Variants in SLC4A8 observed in about 807,000 individuals in gnomAD.
SLC4A8 encodes electroneutral sodium bicarbonate exchanger 1.
In SLC4A8, 40 loss-of-function variants were observed where a neutral mutation model predicts 125.0. The ratio of observed to expected loss-of-function variants is 0.32; its 90% CI spans 0.25 to 0.42. SLC4A8 has a LOEUF of 0.42. Among genes scored for constraint, SLC4A8 ranks in the 10% least tolerant of loss-of-function variants. The pLI, the probability that SLC4A8 is intolerant of heterozygous loss-of-function variation, is 1.00. For synonymous variants in SLC4A8, 456 were observed against 476.0 expected, an observed-to-expected ratio of 0.96 and a Z score of 0.55; for missense variants, 863 against 1,355.1, an observed-to-expected ratio of 0.64 and a Z score of 5.70.
At chr12:51,400,987 G>A (rs1948380438) in intron 1 of SLC4A8, among the ~76,000 whole-genome samples, 1 of 151,392 alleles carries the variant, frequency 6.6e-6, no homozygotes, top group South Asian at 2.1e-4. Flanking sequence ...CACAGGGAGT[G>A]CAACAAGGGG....
intron 22 of SLC4A8, among the ~76,000 whole-genome samples, chr12:51,503,554 G>C (rs1938030398): frequency 6.6e-6 from 1 of 152,102 alleles, no homozygotes; most frequent in Non-Finnish European, 1.5e-5. Flanking sequence ...GAAAGAAAAG[G>C]CTTCTTATTG....
intron 1 of SLC4A8, among the ~76,000 whole-genome samples, chr12:51,400,785 TACACACACACACAC>T (rs869278660): frequency 9.0e-5 from 1 of 11,162 alleles, no homozygotes; most frequent in African/African-American, 5.1e-4. Context: ...TATACATACA[TACACACACACACAC>T]ACATATATAA....
rs149659091 is a variant in SLC4A8, at chr12:51,404,921, G to T, written c.-112+13433G>T. Among the ~76,000 whole-genome samples the T allele has an allele frequency of 3.9e-3, 593 of 152,076 alleles. 2 individuals carry two copies. Among genetic ancestry groups the T allele is most frequent in the African/African-American group, 0.013 (547 of 41,440 alleles). The stretch of plus-strand genomic sequence containing the variant: ...GTGTTTTTGTCACTTTCAACCAAAA[G>T]AATCTGATCAATAAATAATATGATG... On this transcript the variant is annotated intron_variant, in intron 1 of 24. Transcript: ENST00000358657.
chr12:51,424,062 ACAAC>A (rs150878367), upstream of SLC4A8, among the ~76,000 whole-genome samples: 64 of 51,818 alleles, frequency 1.2e-3, 6 homozygotes, highest in East Asian at 5.3e-3. Context: ...AACAAAAAAA[ACAAC>A]AAAAAAAAAA....
chr12:51,441,256 G>T, intron 2 of SLC4A8: 1 of 960,618 alleles, frequency 1.0e-6, no homozygotes. Flanking sequence ...ATTTCTGCCT[G>T]GTGGTTTCAT....
At chr12:51,506,569 G>A (rs1471520036) in intron 24 of SLC4A8, among the ~76,000 whole-genome samples, 1 of 152,068 alleles carries the variant, frequency 6.6e-6, no homozygotes, top group Non-Finnish European at 1.5e-5. Context: ...CAAGTAGCTG[G>A]GAGTACAGGT....
At chr12:51,401,421 CCT>C (rs1191030946) in intron 1 of SLC4A8, among the ~76,000 whole-genome samples, 1 of 152,126 alleles carries the variant, frequency 6.6e-6, no homozygotes, top group East Asian at 1.9e-4. Flanking sequence ...GTGGTTTTCC[CCT>C]GAGTTGGGCC....
intron 2 of SLC4A8, chr12:51,441,184 G>A: frequency 1.0e-6 from 1 of 984,112 alleles, no homozygotes; most frequent in African/African-American, 1.7e-5. Flanking sequence ...AACTCATTTT[G>A]GCTACAAAAC....
At chr12:51,474,693 T>TG (rs2138326480) in intron 15 of SLC4A8, 1 of 627,998 alleles carries the variant, frequency 1.6e-6, no homozygotes, top group East Asian at 2.8e-5. Context: ...TAAGGATAGG[T>TG]GGGGATGAAA....
At chr12:51,484,461 G>A (rs1430953713) in intron 16 of SLC4A8, among the ~76,000 whole-genome samples, 1 of 152,226 alleles carries the variant, frequency 6.6e-6, no homozygotes, top group Non-Finnish European at 1.5e-5. Context: ...GGAGAAAAGG[G>A]CCACTGGGCC....
chr12:51,417,250 G>A (rs1186762813), intron 1 of SLC4A8, among the ~76,000 whole-genome samples: 5 of 152,142 alleles, frequency 3.3e-5, no homozygotes, highest in South Asian at 4.1e-4. Context: ...ATCACAGCTC[G>A]CTGCAGCCTC....
At chr12:51,460,503 A>G (rs1456985896) in intron 8 of SLC4A8, among the ~76,000 whole-genome samples, 2 of 152,270 alleles carry the variant, frequency 1.3e-5, no homozygotes, top group East Asian at 1.9e-4. Context: ...CACAGTATCT[A>G]TAGCCTTGGA....
At chr12:51,454,998 T>G (rs1592212025) in intron 5 of SLC4A8, among the ~76,000 whole-genome samples, 3 of 80,694 alleles carry the variant, frequency 3.7e-5, no homozygotes, top group African/African-American at 5.1e-5. Context: ...GATTAGGGAG[T>G]GGTGATGACT....
intron 2 of SLC4A8, among the ~76,000 whole-genome samples, chr12:51,447,691 T>C (rs1164165085): frequency 6.6e-6 from 1 of 151,554 alleles, no homozygotes; most frequent in East Asian, 1.9e-4. Context: ...ATGTTGATTC[T>C]CTGTGAGCAT....
At chr12:51,460,233 G>A (rs1020899284) in intron 8 of SLC4A8, 125 bp downstream of exon 8, 4 of 860,934 alleles carry the variant, frequency 4.6e-6, no homozygotes, top group Admixed American at 4.2e-5. Context: ...TTACAATTCA[G>A]CAGAAAAGCC....
At chr12:51,403,035 G>A in intron 1 of SLC4A8, 1 of 363,970 alleles carries the variant, frequency 2.7e-6, no homozygotes, top group South Asian at 2.1e-5. Flanking sequence ...CTGTAGTCAT[G>A]GGTAAGTTGT....
chr12:51,460,974 A>G (rs777729083), intron 8 of SLC4A8, among the ~76,000 whole-genome samples: 1 of 152,216 alleles, frequency 6.6e-6, no homozygotes, highest in Non-Finnish European at 1.5e-5. Flanking sequence ...TAAGAAATGT[A>G]ATCACATTAT....
intron 1 of SLC4A8, among the ~76,000 whole-genome samples, chr12:51,411,073 G>T: frequency 7.2e-6 from 1 of 139,018 alleles, no homozygotes; most frequent in African/African-American, 2.7e-5. Flanking sequence ...TTTAAATACA[G>T]AATTACCTGT....
At chr12:51,468,312 C>T (rs975600657) in intron 11 of SLC4A8, among the ~76,000 whole-genome samples, 2 of 152,232 alleles carry the variant, frequency 1.3e-5, no homozygotes, top group African/African-American at 2.4e-5. Flanking sequence ...TCCTGATTAG[C>T]TCTTGAATCC....
Sources: gnomAD v4.1 joint callset for allele counts (sites outside exome capture counted in the v4.1 genomes callset) on GRCh38, gnomAD v4.1.1 for gene constraint, MANE v1.5 for transcripts, NCBI Gene and HGNC (gene_info 2026-07-23, HGNC 2026-07-21) for gene names.